Variants in CNTN4 observed in about 807,000 individuals in gnomAD.
CNTN4 encodes the protein contactin-4.
A neutral mutation model predicts 122.5 loss-of-function variants in CNTN4; 77 were observed. That is an observed-to-expected ratio of 0.63 (90% CI 0.52 to 0.76). CNTN4 has a LOEUF of 0.76. Ranked by LOEUF, CNTN4 falls within the 30% of genes least tolerant of loss-of-function variation. The pLI is 0.00. For missense variants in CNTN4, 1,256 were observed against 1,259.1 expected (o/e 1.00, Z 0.04); for synonymous variants, 512 against 447.0 (o/e 1.15, Z -1.83).
intron 6 of CNTN4, among the ~76,000 whole-genome samples, chr3:2,805,755 G>A (rs1009465217): frequency 2.6e-5 from 4 of 152,044 alleles, no homozygotes; most frequent in Non-Finnish European, 4.4e-5. Context: ...TTTTTATCCC[G>A]GAAGCTAAAC....
intron 2 of CNTN4, among the ~76,000 whole-genome samples, chr3:2,167,566 T>A (rs2036256037): frequency 6.6e-6 from 1 of 152,108 alleles, no homozygotes; most frequent in African/African-American, 2.4e-5. Flanking sequence ...TTTTAATACA[T>A]CTCTCAGAAT....
chr3:2,938,417 G>A (rs1305305855), intron 13 of CNTN4, among the ~76,000 whole-genome samples: 1 of 151,666 alleles, frequency 6.6e-6, no homozygotes, highest in African/African-American at 2.4e-5. Flanking sequence ...TCCTATTATT[G>A]GGACTCCATC....
At chr3:2,922,473 A>G (rs2094437868) in intron 12 of CNTN4, among the ~76,000 whole-genome samples, 1 of 152,206 alleles carries the variant, frequency 6.6e-6, no homozygotes. Context: ...TAGCTCAAGT[A>G]TTCAAAAACT....
chr3:3,031,467 G>A (rs1310090858), intron 16 of CNTN4, among the ~76,000 whole-genome samples: 1 of 152,106 alleles, frequency 6.6e-6, no homozygotes, highest in Non-Finnish European at 1.5e-5. Context: ...TTTTGGGAGA[G>A]GACACTTCCT....
chr3:2,199,612 A>T (rs1199944368), intron 2 of CNTN4, among the ~76,000 whole-genome samples: 1 of 152,112 alleles, frequency 6.6e-6, no homozygotes. Context: ...CTATGTGCCA[A>T]ACTGTTCTGG....
chr3:2,557,685 C>T (rs1040586956), intron 3 of CNTN4, among the ~76,000 whole-genome samples: 3 of 151,038 alleles, frequency 2.0e-5, no homozygotes, highest in African/African-American at 7.3e-5. Context: ...GCTGAGATTC[C>T]ACCACTGCAC....
intron 2 of CNTN4, among the ~76,000 whole-genome samples, chr3:2,107,414 C>G (rs1385355528): frequency 6.6e-6 from 1 of 152,114 alleles, no homozygotes; most frequent in Non-Finnish European, 1.5e-5. Context: ...AAAGGTATAT[C>G]TTACATGGCA....
chr3:2,997,785 G>C (rs1417075186), intron 14 of CNTN4, among the ~76,000 whole-genome samples: 1 of 152,158 alleles, frequency 6.6e-6, no homozygotes, highest in Non-Finnish European at 1.5e-5. Context: ...TTATGGGAGA[G>C]GAAATGTAAG....
intron 2 of CNTN4, among the ~76,000 whole-genome samples, chr3:2,143,166 G>A (rs774940957): frequency 6.6e-6 from 1 of 152,132 alleles, no homozygotes; most frequent in South Asian, 2.1e-4. Flanking sequence ...TTATAGACTG[G>A]ATTTTTTTCT....
At chr3:2,332,746 GA>G (rs1187163890) in intron 2 of CNTN4, among the ~76,000 whole-genome samples, 4 of 105,934 alleles carry the variant, frequency 3.8e-5, no homozygotes, top group African/African-American at 1.4e-4. Context: ...GGGGAGGGGG[GA>G]GGGATAGCTT....
intron 2 of CNTN4, among the ~76,000 whole-genome samples, chr3:2,114,490 G>C (rs1456945835): frequency 6.6e-6 from 1 of 151,898 alleles, no homozygotes; most frequent in Non-Finnish European, 1.5e-5. Flanking sequence ...TAAGAAAGAG[G>C]GTATAGTATG....
At chr3:2,355,516 A>G (rs1366229579) in intron 3 of CNTN4, among the ~76,000 whole-genome samples, 1 of 152,180 alleles carries the variant, frequency 6.6e-6, no homozygotes, top group African/African-American at 2.4e-5. Context: ...GGTCAGGAGC[A>G]AAGGTTACCT....
chr3:2,430,836 T>G (rs1157141317), intron 3 of CNTN4, among the ~76,000 whole-genome samples: 1 of 152,206 alleles, frequency 6.6e-6, no homozygotes, highest in Non-Finnish European at 1.5e-5. Flanking sequence ...GGGCACAAGA[T>G]AGCTCAAGAA....
chr3:2,673,160 G>A (rs2150395781), intron 4 of CNTN4, among the ~76,000 whole-genome samples: 1 of 152,230 alleles, frequency 6.6e-6, no homozygotes, highest in East Asian at 1.9e-4. Flanking sequence ...AACTATTTGG[G>A]TTTAAATGCC....
At chr3:3,043,517 C>G in intron 22 of CNTN4, 75 bp from the exon 23 acceptor site, 1 of 1,161,866 alleles carries the variant, frequency 8.6e-7, no homozygotes, top group Non-Finnish European at 1.3e-6. Flanking sequence ...CTCTCGAATT[C>G]TAGTAAGGAG....
chr3:2,624,401 A>G (rs997450538), intron 4 of CNTN4, among the ~76,000 whole-genome samples: 2 of 152,034 alleles, frequency 1.3e-5, no homozygotes, highest in African/African-American at 4.8e-5. Flanking sequence ...TATTCAGTAC[A>G]ATATATTTTG....
intron 6 of CNTN4, among the ~76,000 whole-genome samples, chr3:2,800,823 C>G (rs1204354994): frequency 6.6e-6 from 1 of 152,168 alleles, no homozygotes; most frequent in African/African-American, 2.4e-5. Context: ...TGTTCAGAAT[C>G]CTGTCTTTAA....
At chr3:2,739,612 CA>C (rs1431237802) in intron 5 of CNTN4, among the ~76,000 whole-genome samples, 3 of 149,122 alleles carry the variant, frequency 2.0e-5, no homozygotes. Context: ...ACAGAGGAAG[CA>C]AAACTTTACC....
intron 15 of CNTN4, among the ~76,000 whole-genome samples, chr3:3,027,044 A>T (rs565187991): frequency 6.6e-6 from 1 of 152,134 alleles, no homozygotes; most frequent in Non-Finnish European, 1.5e-5. Context: ...CCCTGACTTG[A>T]AAAGCTCTCC....
Sources: allele counts gnomAD v4.1 joint callset (sites outside exome capture counted in the v4.1 genomes callset), GRCh38; gene constraint gnomAD v4.1.1; transcripts MANE v1.5; gene names NCBI Gene and HGNC (gene_info 2026-07-23, HGNC 2026-07-21).